The following PTPRD variants were observed in gnomAD, a reference collection of about 807,000 sequenced individuals.
The protein encoded by PTPRD is protein tyrosine phosphatase receptor type D.
PTPRD carries 34 observed loss-of-function variants against 214.5 expected under a neutral mutation model. The ratio of observed to expected loss-of-function variants is 0.16; its 90% CI spans 0.12 to 0.21. The LOEUF (loss-of-function observed/expected upper bound fraction) is 0.21, where lower values mean the gene tolerates loss of function less well. PTPRD is among the 10% of genes least tolerant of loss of function. The pLI is 1.00. For missense variants in PTPRD, 2,545 were observed against 2,398.7 expected, an observed-to-expected ratio of 1.06 and a Z score of -1.27; for synonymous variants, 1,128 against 845.7, an observed-to-expected ratio of 1.33 and a Z score of -5.79.
chr9:9,692,845 C>CCTCTTTGGT (rs2097299413), intron 7 of PTPRD, among the ~76,000 whole-genome samples: 1 of 151,602 alleles, frequency 6.6e-6, no homozygotes, highest in Admixed American at 6.6e-5. Context: ...AGATGTTTTA[C>CCTCTTTGGT]CTCTTTGGTT....
chr9:9,891,357 C>A (rs1037716954), intron 5 of PTPRD, among the ~76,000 whole-genome samples: 3 of 150,598 alleles, frequency 2.0e-5, no homozygotes, highest in Admixed American at 6.6e-5. Context: ...TAATAAATGG[C>A]ATCAGGAAAA....
chr9:8,633,386 T>C lies in PTPRD; in HGVS notation c.283A>G (p.Ile95Val), dbSNP rs761302617. The C allele has an allele frequency of 1.2e-6, 2 of 1,612,824 alleles. No individual in the cohort carries two copies. The highest frequency in any genetic ancestry group is 1.7e-6 in the Non-Finnish European group (2 of 1,179,168). The stretch of plus-strand genomic sequence containing the variant: ...TTATTTGAGGCCACACATTCATAAA[T>C]GGCCTCATCCCTCGGAGTCCGTAAG... ...QPLRTPRDEA[I>V]YECVASNNVG... Residue 95 changes from isoleucine (I) to valine (V), a missense_variant, in exon 14 of 46, where the codon ATT becomes GTT. Ile to Val is a conservative substitution (Grantham distance 29). Transcript: ENST00000381196.
chr9:9,088,544 C>T (rs557499249), intron 10 of PTPRD, among the ~76,000 whole-genome samples: 1 of 130,464 alleles, frequency 7.7e-6, no homozygotes, highest in Non-Finnish European at 1.5e-5. Flanking sequence ...TGTGCCACTG[C>T]ACTCCAGCCT....
intron 8 of PTPRD, among the ~76,000 whole-genome samples, chr9:9,405,887 G>C (rs1463363931): frequency 6.6e-6 from 1 of 151,830 alleles, no homozygotes; most frequent in Non-Finnish European, 1.5e-5. Flanking sequence ...GAGATAATTT[G>C]TAATTTGCTT....
At chr9:8,824,140 C>T (rs893431998) in intron 11 of PTPRD, among the ~76,000 whole-genome samples, 4 of 152,060 alleles carry the variant, frequency 2.6e-5, no homozygotes, top group African/African-American at 9.7e-5. Flanking sequence ...GTTTTCATGG[C>T]CTGTATTTTG....
intron 5 of PTPRD, among the ~76,000 whole-genome samples, chr9:9,841,205 G>A (rs115831889): frequency 6.6e-6 from 1 of 152,140 alleles, no homozygotes; most frequent in African/African-American, 2.4e-5. Context: ...TAGGAGTAGT[G>A]GTAGTGGGGT....
intron 10 of PTPRD, among the ~76,000 whole-genome samples, chr9:9,074,633 A>G (rs2099748370): frequency 6.6e-6 from 1 of 152,020 alleles, no homozygotes; most frequent in African/African-American, 2.4e-5. Context: ...AGCACCTTTC[A>G]TGTGCCTGTT....
intron 11 of PTPRD, among the ~76,000 whole-genome samples, chr9:8,953,806 T>A (rs2099116659): frequency 6.6e-6 from 1 of 152,006 alleles, no homozygotes; most frequent in African/African-American, 2.4e-5. Flanking sequence ...ATATGCCATC[T>A]CACACCAGTC....
chr9:8,954,560 T>C (rs1172534131), intron 11 of PTPRD, among the ~76,000 whole-genome samples: 3 of 151,132 alleles, frequency 2.0e-5, no homozygotes, highest in South Asian at 2.1e-4. Flanking sequence ...AGTACAATAA[T>C]GCAAAACAGC....
intron 11 of PTPRD, among the ~76,000 whole-genome samples, chr9:8,833,704 A>C (rs79647110): frequency 0.39 from 41,364 of 105,748 alleles, 6,356 homozygotes; most frequent in East Asian, 0.56. Flanking sequence ...CTCTCTCTAT[A>C]TATATATATA....
chr9:10,180,729 A>G (rs985625874), intron 3 of PTPRD, among the ~76,000 whole-genome samples: 2 of 151,852 alleles, frequency 1.3e-5, no homozygotes, highest in Admixed American at 1.3e-4. Context: ...ATGATGTATG[A>G]TTTATCCCAG....
chr9:9,059,016 A>T (rs1022708157), intron 10 of PTPRD, among the ~76,000 whole-genome samples: 1 of 152,140 alleles, frequency 6.6e-6, no homozygotes, highest in African/African-American at 2.4e-5. Context: ...GCCCAGTAGA[A>T]CAGGGTAGGT....
At chr9:8,722,999 T>C (rs1462849083) in intron 12 of PTPRD, among the ~76,000 whole-genome samples, 1 of 152,170 alleles carries the variant, frequency 6.6e-6, no homozygotes, top group Non-Finnish European at 1.5e-5. Flanking sequence ...GAAAAATATA[T>C]ACACATTTTG....
At chr9:8,370,375 C>T (rs982197751) in intron 39 of PTPRD, among the ~76,000 whole-genome samples, 7 of 152,022 alleles carry the variant, frequency 4.6e-5, no homozygotes, top group Non-Finnish European at 2.9e-5. Context: ...GATGGGTAAA[C>T]AGGCCATGGA....
At chr9:10,116,096 G>A (rs745340827) in intron 3 of PTPRD, among the ~76,000 whole-genome samples, 2 of 151,994 alleles carry the variant, frequency 1.3e-5, no homozygotes, top group Admixed American at 6.6e-5. Flanking sequence ...TTAACAAGCG[G>A]GAGTAAAGTT....
chr9:9,214,215 C>G (rs1394406732), intron 9 of PTPRD, among the ~76,000 whole-genome samples: 2 of 152,194 alleles, frequency 1.3e-5, no homozygotes, highest in Admixed American at 1.3e-4. Flanking sequence ...ACAGCTGTTG[C>G]GTTTCCCTCT....
intron 23 of PTPRD, 51 bp from the exon 24 acceptor site, chr9:8,501,110 G>T: frequency 2.2e-6 from 3 of 1,335,142 alleles, no homozygotes; most frequent in Non-Finnish European, 3.1e-6. Flanking sequence ...GACAGGAGTG[G>T]TTGAAAAAAA....
chr9:8,667,249 G>C (rs982813002), intron 12 of PTPRD, among the ~76,000 whole-genome samples: 2 of 152,194 alleles, frequency 1.3e-5, no homozygotes, highest in African/African-American at 2.4e-5. Flanking sequence ...TGAGGCAGGA[G>C]TATCGCTTGA....
chr9:8,689,601 G>A (rs1355643732), intron 12 of PTPRD, among the ~76,000 whole-genome samples: 1 of 152,072 alleles, frequency 6.6e-6, no homozygotes, highest in Non-Finnish European at 1.5e-5. Context: ...AGAATAGTAT[G>A]GGGAAACCAC....
Sources: allele counts gnomAD v4.1 joint callset (sites outside exome capture counted in the v4.1 genomes callset), GRCh38; gene constraint gnomAD v4.1.1; transcripts MANE v1.5; gene names NCBI Gene and HGNC (gene_info 2026-07-23, HGNC 2026-07-21).